The following MDGA2 variants were observed in gnomAD, a reference collection of about 807,000 sequenced individuals.
The protein encoded by MDGA2 is MAM domain containing glycosylphosphatidylinositol anchor 2.
MDGA2 carries 40 observed loss-of-function variants against 117.8 expected under a neutral mutation model. That is an observed-to-expected ratio of 0.34 (90% CI 0.26 to 0.44). MDGA2 has a LOEUF of 0.44. MDGA2 is among the 20% of genes least tolerant of loss of function. MDGA2 has a pLI of 1.00. For synonymous variants in MDGA2, 452 were observed against 439.0 expected, an observed-to-expected ratio of 1.03 and a Z score of -0.37; for missense variants, 1,123 against 1,250.6, an observed-to-expected ratio of 0.90 and a Z score of 1.54.
chr14:46,944,242 T>C (rs937539934), intron 9 of MDGA2, among the ~76,000 whole-genome samples: 1 of 152,028 alleles, frequency 6.6e-6, no homozygotes, highest in East Asian at 1.9e-4. Flanking sequence ...TCACTAGACA[T>C]AAAATATAAA....
intron 1 of MDGA2, among the ~76,000 whole-genome samples, chr14:47,455,107 T>C (rs2138578933): frequency 1.3e-5 from 2 of 152,342 alleles, no homozygotes; most frequent in South Asian, 4.1e-4. Flanking sequence ...GCATGGACAT[T>C]ATATAGACGA....
chr14:46,878,501 C>T (rs774943348), intron 11 of MDGA2, among the ~76,000 whole-genome samples: 15 of 151,866 alleles, frequency 9.9e-5, no homozygotes, highest in East Asian at 1.9e-4. Context: ...TAAACTCTGA[C>T]GGGCAAAAAT....
chr14:47,164,226 A>G (rs943522137), intron 3 of MDGA2, among the ~76,000 whole-genome samples: 1 of 152,200 alleles, frequency 6.6e-6, no homozygotes, highest in Non-Finnish European at 1.5e-5. Flanking sequence ...CTGAAAGCCT[A>G]TGTGACAGGC....
chr14:47,469,280 A>G (rs113144327), intron 1 of MDGA2, among the ~76,000 whole-genome samples: 36,881 of 151,778 alleles, frequency 0.24, 5,146 homozygotes, highest in South Asian at 0.47. Context: ...AACATTAGGT[A>G]TATCTCCTAA....
At chr14:47,042,590 G>A (rs996168224) in intron 7 of MDGA2, among the ~76,000 whole-genome samples, 4 of 152,082 alleles carry the variant, frequency 2.6e-5, no homozygotes, top group African/African-American at 9.7e-5. Flanking sequence ...ATAAGCATGA[G>A]ACATGCACAT....
chr14:47,105,311 G>A (rs1880591272), intron 5 of MDGA2, among the ~76,000 whole-genome samples: 2 of 151,698 alleles, frequency 1.3e-5, no homozygotes, highest in African/African-American at 4.9e-5. Flanking sequence ...TCTTATCTCT[G>A]TGCCCCAATC....
intron 1 of MDGA2, among the ~76,000 whole-genome samples, chr14:47,412,845 T>C (rs1265936097): frequency 6.6e-6 from 1 of 152,208 alleles, no homozygotes; most frequent in Non-Finnish European, 1.5e-5. Context: ...AAAAGGGCCT[T>C]TGAGCTAAAC....
At chr14:47,034,872 G>A (rs578260544) in intron 8 of MDGA2, 139 bp downstream of exon 8, 1 of 762,922 alleles carries the variant, frequency 1.3e-6, no homozygotes, top group East Asian at 2.6e-5. Flanking sequence ...TGTAGAAATA[G>A]TTCATTCAAT....
intron 3 of MDGA2, among the ~76,000 whole-genome samples, chr14:47,210,107 A>G (rs781614733): frequency 1.3e-4 from 20 of 152,176 alleles, no homozygotes; most frequent in Non-Finnish European, 2.6e-4. Flanking sequence ...GGTAAATTGT[A>G]CTTGTAAAAT....
chr14:47,171,951 C>T (rs553256770), intron 3 of MDGA2, among the ~76,000 whole-genome samples: 16 of 152,270 alleles, frequency 1.1e-4, no homozygotes, highest in South Asian at 6.2e-4. Context: ...CCTAATACTG[C>T]GCTTTTCCGA....
At chr14:46,931,159 G>A (rs1334209700) in intron 9 of MDGA2, among the ~76,000 whole-genome samples, 1 of 140,000 alleles carries the variant, frequency 7.1e-6, no homozygotes, top group Non-Finnish European at 1.5e-5. Flanking sequence ...TGGTTACAGT[G>A]AGCCAAGATC....
intron 3 of MDGA2, among the ~76,000 whole-genome samples, chr14:47,172,089 G>A (rs1012328140): frequency 6.6e-6 from 1 of 152,130 alleles, no homozygotes; most frequent in African/African-American, 2.4e-5. Context: ...CAGCAAGGCT[G>A]GGGGAGGGGC....
At chr14:46,844,241 TTAATA>T (rs1241054496) in intron 16 of MDGA2, among the ~76,000 whole-genome samples, 1 of 152,204 alleles carries the variant, frequency 6.6e-6, no homozygotes, top group Non-Finnish European at 1.5e-5. Flanking sequence ...ACTTCATTAC[TTAATA>T]TATGTATTTA....
At chr14:47,297,798 T>C (rs1184446717) in intron 2 of MDGA2, among the ~76,000 whole-genome samples, 1 of 152,174 alleles carries the variant, frequency 6.6e-6, no homozygotes, top group Non-Finnish European at 1.5e-5. Context: ...TTTAAATGCA[T>C]GTAATTTAAA....
chr14:47,003,272 G>A lies in MDGA2; in HGVS notation c.1819+31739C>T, dbSNP rs1184427674. ...AACCAAAGATGCTATGTACCTTTGT[G>A]TGTAAGTTGTTAAGTAGACTTATGG... On this transcript the variant is annotated intron_variant, in intron 8 of 16. Coordinates refer to ENST00000399232, the MANE Select transcript of MDGA2 (RefSeq NM_001113498.3). 2.6e-5 allele frequency among the ~76,000 whole-genome samples: 4 copies of A among 151,866 alleles called. No homozygotes were observed. In the East Asian group the frequency reaches 5.8e-4, roughly 22 times the overall value.
At chr14:46,955,260 T>C (rs1034809398) in intron 9 of MDGA2, among the ~76,000 whole-genome samples, 1 of 151,994 alleles carries the variant, frequency 6.6e-6, no homozygotes, top group African/African-American at 2.4e-5. Flanking sequence ...GGGCTTATTC[T>C]AATAAATCAA....
At chr14:47,101,627 G>C (rs1017049621) in intron 5 of MDGA2, among the ~76,000 whole-genome samples, 2 of 152,174 alleles carry the variant, frequency 1.3e-5, no homozygotes, top group African/African-American at 4.8e-5. Context: ...AGGGAGCAGA[G>C]AGACCAGCTA....
chr14:47,158,843 G>A (rs1284444288), intron 3 of MDGA2, among the ~76,000 whole-genome samples: 2 of 152,214 alleles, frequency 1.3e-5, no homozygotes, highest in Non-Finnish European at 1.5e-5. Context: ...CATACAGACA[G>A]TGGAATATTA....
intron 1 of MDGA2, among the ~76,000 whole-genome samples, chr14:47,454,310 A>G (rs1893302517): frequency 6.6e-6 from 1 of 152,110 alleles, no homozygotes; most frequent in South Asian, 2.1e-4. Context: ...ATCAATGTTT[A>G]TTTACGATGA....
Sources: allele counts gnomAD v4.1 joint callset (sites outside exome capture counted in the v4.1 genomes callset), GRCh38; gene constraint gnomAD v4.1.1; transcripts MANE v1.5; gene names NCBI Gene and HGNC (gene_info 2026-07-23, HGNC 2026-07-21).